Variants in SOX5 observed in about 807,000 individuals in gnomAD.
SOX5 encodes SRY-box transcription factor 5, also known as transcription factor SOX-5.
SOX5 carries 9 observed loss-of-function variants against 92.0 expected under a neutral mutation model. That is an observed-to-expected ratio of 0.10 (90% confidence interval 0.06 to 0.17). The LOEUF is 0.17. Among genes scored for constraint, SOX5 ranks in the 10% least tolerant of loss-of-function variants. The probability of loss-of-function intolerance (pLI) is 1.00; values close to 1 mark genes in which losing one functional copy is unlikely to be tolerated. For missense variants in SOX5, 642 were observed against 944.5 expected (o/e 0.68, Z 4.20); for synonymous variants, 344 against 336.3 (o/e 1.02, Z -0.25).
intron 1 of SOX5, among the ~76,000 whole-genome samples, chr12:24,421,872 T>C (rs1965968338): frequency 6.6e-6 from 1 of 152,202 alleles, no homozygotes; most frequent in African/African-American, 2.4e-5. Flanking sequence ...GCAAATCAAA[T>C]AACCCTCTTT....
In SOX5 at chr12:23,718,684, T is replaced by C. The variant is rs143476312; in HGVS notation, c.810+16000A>G. ...AAACCTTATAAAACAACAAATTGAGTTTTAATTTGAAAAGTTTTGTTATTT... is the reference window on the plus strand; with the variant it reads ...AAACCTTATAAAACAACAAATTGAGCTTTAATTTGAAAAGTTTTGTTATTT... On this transcript the variant is annotated intron_variant, in intron 6 of 14. Coordinates refer to ENST00000451604, the MANE Select transcript of SOX5 (RefSeq NM_006940.6). 5.1e-3 allele frequency among the ~76,000 whole-genome samples: 777 copies of C among 152,258 alleles called. 7 individuals carry two copies. The highest frequency in any genetic ancestry group is 0.019 in the South Asian group (93 of 4,826).
intron 4 of SOX5, among the ~76,000 whole-genome samples, chr12:24,204,075 G>A (rs1957789177): frequency 6.6e-6 from 1 of 151,742 alleles, no homozygotes; most frequent in Admixed American, 6.6e-5. Context: ...CTTCCCCTGG[G>A]CCCAACTAGT....
intron 4 of SOX5, among the ~76,000 whole-genome samples, chr12:23,742,893 C>T (rs1456135160): frequency 6.6e-6 from 1 of 151,726 alleles, no homozygotes; most frequent in African/African-American, 2.4e-5. Context: ...ACTTGGTAGG[C>T]TGAGGTGGAA....
chr12:24,336,560 A>T (rs1233058295), intron 2 of SOX5, among the ~76,000 whole-genome samples: 2 of 152,236 alleles, frequency 1.3e-5, no homozygotes, highest in Non-Finnish European at 2.9e-5. Context: ...TGAAGACTCA[A>T]GCATATCATT....
intron 1 of SOX5, among the ~76,000 whole-genome samples, chr12:24,561,574 G>A (rs569690542): frequency 2.6e-5 from 4 of 152,098 alleles, no homozygotes; most frequent in Admixed American, 2.0e-4. Context: ...TCCCAAACCC[G>A]CGCTTAAAGT....
chr12:23,884,628 A>G (rs932168726), intron 2 of SOX5, among the ~76,000 whole-genome samples: 2 of 152,232 alleles, frequency 1.3e-5, no homozygotes, highest in African/African-American at 4.8e-5. Context: ...AATATTTTTA[A>G]AAAGATTTTA....
chr12:23,641,694 G>T (rs1188355526), intron 7 of SOX5, among the ~76,000 whole-genome samples: 1 of 152,036 alleles, frequency 6.6e-6, no homozygotes, highest in Non-Finnish European at 1.5e-5. Flanking sequence ...TAGTAAAGAG[G>T]TACAATAGAC....
chr12:24,477,155 AT>A (rs1346339686), intron 1 of SOX5, among the ~76,000 whole-genome samples: 1 of 145,670 alleles, frequency 6.9e-6, no homozygotes, highest in Non-Finnish European at 1.5e-5. Context: ...TCCTGTTTAG[AT>A]GGAGTCACGC....
intron 6 of SOX5, among the ~76,000 whole-genome samples, chr12:23,693,838 G>A (rs1251096709): frequency 6.6e-6 from 1 of 151,994 alleles, no homozygotes; most frequent in Admixed American, 6.6e-5. Flanking sequence ...TTTTCACAGA[G>A]ACTTAGAATT....
intron 6 of SOX5, among the ~76,000 whole-genome samples, chr12:23,707,574 T>C (rs1178401610): frequency 6.6e-6 from 1 of 152,182 alleles, no homozygotes; most frequent in Non-Finnish European, 1.5e-5. Context: ...TGTGCTACAA[T>C]TTAACTATGT....
chr12:24,020,569 C>G (rs1007972330), intron 4 of SOX5, among the ~76,000 whole-genome samples: 9 of 152,154 alleles, frequency 5.9e-5, no homozygotes, highest in Non-Finnish European at 1.0e-4. Context: ...AAAAAAGACA[C>G]AAGCTGCGGA....
At chr12:23,883,303 C>T (rs2097020830) in intron 2 of SOX5, among the ~76,000 whole-genome samples, 1 of 152,072 alleles carries the variant, frequency 6.6e-6, no homozygotes, top group South Asian at 2.1e-4. Context: ...AGGATACTGA[C>T]AGACCTTACC....
At chr12:23,576,335 G>A (rs1042217693) in intron 9 of SOX5, among the ~76,000 whole-genome samples, 2 of 151,902 alleles carry the variant, frequency 1.3e-5, no homozygotes, top group Non-Finnish European at 2.9e-5. Flanking sequence ...AATTCAACAC[G>A]CACACACAAG....
At chr12:24,557,431 A>G (rs1192098131) in intron 1 of SOX5, among the ~76,000 whole-genome samples, 3 of 151,820 alleles carry the variant, frequency 2.0e-5, no homozygotes, top group Non-Finnish European at 2.9e-5. Flanking sequence ...AAGAAAGAAA[A>G]AAAGAGGTTA....
At chr12:23,950,857 A>G (rs1421143664), upstream of SOX5, 3 of 1,534,910 alleles carry the variant, frequency 2.0e-6, no homozygotes, top group East Asian at 4.9e-5. Context: ...ACACAGAGAG[A>G]GAGACACTTA....
intron 6 of SOX5, among the ~76,000 whole-genome samples, chr12:23,696,675 G>C (rs1450233639): frequency 6.6e-6 from 1 of 152,018 alleles, no homozygotes; most frequent in Non-Finnish European, 1.5e-5. Context: ...CAAGGGGAAA[G>C]CTTAGGTAAT....
chr12:24,181,396 A>G (rs567531348), intron 4 of SOX5, among the ~76,000 whole-genome samples: 6 of 152,348 alleles, frequency 3.9e-5, no homozygotes, highest in African/African-American at 1.4e-4. Flanking sequence ...CCAGGCTAAA[A>G]TAAATACATC....
intron 3 of SOX5, among the ~76,000 whole-genome samples, chr12:23,823,944 T>G (rs1056748653): frequency 1.3e-5 from 2 of 152,236 alleles, no homozygotes; most frequent in African/African-American, 2.4e-5. Context: ...GAAGTTCTTG[T>G]GCTATGTTTT....
At chr12:24,136,215 C>G (rs775571214) in intron 4 of SOX5, among the ~76,000 whole-genome samples, 1 of 152,240 alleles carries the variant, frequency 6.6e-6, no homozygotes, top group Non-Finnish European at 1.5e-5. Context: ...GCTCTGGAAT[C>G]TGGGTAACCA....
Sources: gnomAD v4.1 joint callset for allele counts (sites outside exome capture counted in the v4.1 genomes callset) on GRCh38, gnomAD v4.1.1 for gene constraint, MANE v1.5 for transcripts, NCBI Gene and HGNC (gene_info 2026-07-23, HGNC 2026-07-21) for gene names.